PARD3B: variants seen among roughly 807,000 people sequenced by gnomAD.
PARD3B encodes partitioning defective 3 homolog B.
PARD3B carries 103 observed loss-of-function variants against 130.2 expected under a neutral mutation model. The observed-to-expected ratio is 0.79, with a 90% CI of 0.67 to 0.93. The LOEUF is 0.93. Among genes scored for constraint, PARD3B ranks in the 40% least tolerant of loss-of-function variants. The pLI is 0.00. For synonymous variants in PARD3B, 583 were observed against 553.2 expected, an observed-to-expected ratio of 1.05 and a Z score of -0.76; for missense variants, 1,609 against 1,499.2, an observed-to-expected ratio of 1.07 and a Z score of -1.21.
At chr2:205,124,589 A>C (rs1258233377) in intron 9 of PARD3B, 123 bp downstream of exon 9, 1 of 687,834 alleles carries the variant, frequency 1.5e-6, no homozygotes, top group Non-Finnish European at 1.9e-6. Context: ...ATATATTAAA[A>C]ATTATTACTT....
rs1243575560 is a variant in PARD3B at position 205,525,119 on chromosome 2, T to G, written c.3180+25088T>G. On this transcript the variant is annotated intron_variant, in intron 21 of 22. Transcript: ENST00000406610. The surrounding 1 kb of genome is among the most constrained non-coding windows in gnomAD (Gnocchi z 4.2). ...ATTTTCTTAGCTGCAACTTTCTTAT[T>G]CACACACAGTAAAGCAATGCCTAGC... 6.6e-6 allele frequency among the ~76,000 whole-genome samples: 1 copy of G among 152,186 alleles called. No homozygotes were observed. Among genetic ancestry groups the G allele is most frequent in the African/African-American group, 2.4e-5 (1 of 41,442 alleles).
At chr2:204,806,300 C>A (rs1242479233) in intron 2 of PARD3B, among the ~76,000 whole-genome samples, 1 of 152,030 alleles carries the variant, frequency 6.6e-6, no homozygotes, top group Non-Finnish European at 1.5e-5. Flanking sequence ...ACACATAGAC[C>A]AATGGAACAG....
At chr2:204,847,772 A>T (rs2044524497) in intron 2 of PARD3B, among the ~76,000 whole-genome samples, 1 of 152,184 alleles carries the variant, frequency 6.6e-6, no homozygotes, top group Non-Finnish European at 1.5e-5. Context: ...TGGCAATTTG[A>T]ATATGCTAAA....
intron 21 of PARD3B, among the ~76,000 whole-genome samples, chr2:205,510,227 TTAGAA>T (rs1410193252): frequency 1.3e-5 from 2 of 152,350 alleles, no homozygotes; most frequent in East Asian, 3.9e-4. Flanking sequence ...TGTAAAGTAC[TTAGAA>T]TAGTGTCTAA....
intron 20 of PARD3B, among the ~76,000 whole-genome samples, chr2:205,492,975 C>T (rs2049778607): frequency 2.0e-5 from 3 of 152,026 alleles, no homozygotes; most frequent in Non-Finnish European, 4.4e-5. Flanking sequence ...GTACAAGAGT[C>T]TCTCAAAGTT....
intron 20 of PARD3B, among the ~76,000 whole-genome samples, chr2:205,483,900 G>T (rs747634091): frequency 6.6e-6 from 1 of 152,074 alleles, no homozygotes; most frequent in Non-Finnish European, 1.5e-5. Flanking sequence ...AAACTATCTC[G>T]AATAAAACAT....
rs1177289696 is a variant in PARD3B, at chr2:204,943,776, C to G, written c.223-21376C>G. Among the ~76,000 whole-genome samples, 3 of 152,160 alleles carry G rather than the reference C, an allele frequency of 2.0e-5. No individual in the cohort carries two copies. The highest frequency in any genetic ancestry group is 6.5e-5 in the Admixed American group (1 of 15,284). ...AAAGTTCGCCTCTCCATTGCCATCC[C>G]TACATTGCCTTTCCTATCTGCCATG... On this transcript the variant is annotated intron_variant, in intron 2 of 22. Transcript: ENST00000406610. This position sits in a 1 kb window ranked among gnomAD's most constrained non-coding sequence, Gnocchi z 4.2.
At chr2:204,765,308 CTGAGTTTTAA>C in intron 2 of PARD3B, among the ~76,000 whole-genome samples, 1 of 152,246 alleles carries the variant, frequency 6.6e-6, no homozygotes, top group South Asian at 2.1e-4. Flanking sequence ...AGGCCACAGT[CTGAGTTTTAA>C]CAAGTCTTGC....
intron 14 of PARD3B, 97 bp from the exon 15 acceptor site, chr2:205,193,108 G>A: frequency 2.6e-6 from 2 of 777,552 alleles, no homozygotes; most frequent in Non-Finnish European, 4.4e-6. Flanking sequence ...GAGCTGCGCA[G>A]AGTGATGAGT....
intron 2 of PARD3B, among the ~76,000 whole-genome samples, chr2:204,771,235 A>G (rs191501210): frequency 2.0e-4 from 31 of 151,536 alleles, no homozygotes; most frequent in African/African-American, 7.5e-4. Flanking sequence ...TTTTGTCTTG[A>G]GTTCCTCAGT....
intron 4 of PARD3B, among the ~76,000 whole-genome samples, chr2:205,068,633 T>C (rs1700537559): frequency 6.6e-6 from 1 of 152,108 alleles, no homozygotes; most frequent in Admixed American, 6.6e-5. Context: ...CATTTATTTG[T>C]ATTTTCTTGT....
intron 1 of PARD3B, among the ~76,000 whole-genome samples, chr2:204,605,712 G>A (rs368073926): frequency 3.0e-4 from 45 of 152,214 alleles, no homozygotes; most frequent in African/African-American, 9.6e-4. Context: ...TTTGTCATCC[G>A]TAAAAAAGAG....
At chr2:205,479,380 T>C (rs1425611675) in intron 20 of PARD3B, among the ~76,000 whole-genome samples, 1 of 152,178 alleles carries the variant, frequency 6.6e-6, no homozygotes, top group African/African-American at 2.4e-5. Context: ...ACAAGAATGA[T>C]TAAATTCCTC....
intron 3 of PARD3B, among the ~76,000 whole-genome samples, chr2:204,991,072 CTTTT>C (rs201018710): frequency 6.9e-6 from 1 of 145,356 alleles, no homozygotes; most frequent in African/African-American, 2.5e-5. Flanking sequence ...AGTTGTCATT[CTTTT>C]TTTTTTTTTA....
At chr2:205,345,280 G>T (rs1357698930) in intron 18 of PARD3B, among the ~76,000 whole-genome samples, 2 of 152,134 alleles carry the variant, frequency 1.3e-5, no homozygotes, top group African/African-American at 4.8e-5. Context: ...GGACAAAGAG[G>T]GTATGATCTA....
chr2:204,550,310 T>TTG (rs200872651), intron 1 of PARD3B, among the ~76,000 whole-genome samples: 14 of 152,160 alleles, frequency 9.2e-5, no homozygotes, highest in African/African-American at 1.4e-4. Context: ...GACAAGAAAA[T>TTG]TGTGTGTGTG....
intron 3 of PARD3B, among the ~76,000 whole-genome samples, chr2:204,988,182 T>C (rs574363004): frequency 1.3e-5 from 2 of 152,190 alleles, no homozygotes; most frequent in South Asian, 4.1e-4. Flanking sequence ...ACTGCATGCA[T>C]GATAAACCAG....
chr2:205,004,273 A>T (rs1156714372), intron 3 of PARD3B, among the ~76,000 whole-genome samples: 1 of 152,186 alleles, frequency 6.6e-6, no homozygotes, highest in African/African-American at 2.4e-5. Context: ...AGTGCAGATG[A>T]TGAGAAATAT....
intron 2 of PARD3B, among the ~76,000 whole-genome samples, chr2:204,840,479 G>A (rs755256996): frequency 6.6e-6 from 1 of 151,406 alleles, no homozygotes; most frequent in South Asian, 2.1e-4. Flanking sequence ...ACTTTAATAC[G>A]AATACATGAA....
Sources: gnomAD v4.1 joint callset for allele counts (sites outside exome capture counted in the v4.1 genomes callset) on GRCh38, gnomAD v4.1.1 for gene constraint, Gnocchi (gnomAD v3.1) non-coding constraint, MANE v1.5 for transcripts, NCBI Gene and HGNC (gene_info 2026-07-23, HGNC 2026-07-21) for gene names.